Variants in WDR37 observed in about 807,000 individuals in gnomAD.
WDR37 encodes WD repeat domain 37, also known as WD repeat-containing protein 37.
In WDR37, 19 loss-of-function variants were observed where a neutral mutation model predicts 62.9. The ratio of observed to expected loss-of-function variants is 0.30; its 90% CI spans 0.21 to 0.44. The LOEUF (loss-of-function observed/expected upper bound fraction) is 0.44, where lower values mean the gene tolerates loss of function less well. WDR37 is among the 20% of genes least tolerant of loss of function. The probability of loss-of-function intolerance (pLI) is 1.00; values close to 1 mark genes in which losing one functional copy is unlikely to be tolerated. For missense variants in WDR37, 474 were observed against 657.6 expected, an observed-to-expected ratio of 0.72 and a Z score of 3.05; for synonymous variants, 250 against 260.9, an observed-to-expected ratio of 0.96 and a Z score of 0.40.
At chr10:1,086,235 A>G (rs1409770836) in intron 6 of WDR37, 51 bp from the exon 7 acceptor site, 4 of 1,496,826 alleles carry the variant, frequency 2.7e-6, no homozygotes, top group Non-Finnish European at 3.7e-6. Context: ...CATTTGAAAA[A>G]CTATAAACTG....
At chr10:1,078,213 T>C (rs1034780039) in intron 3 of WDR37, among the ~76,000 whole-genome samples, 1 of 151,882 alleles carries the variant, frequency 6.6e-6, no homozygotes, top group African/African-American at 2.4e-5. Context: ...AGTAAATAAA[T>C]AAAAATAAAA....
At chr10:1,072,680 G>T (rs914932955) in intron 2 of WDR37, among the ~76,000 whole-genome samples, 1 of 51,776 alleles carries the variant, frequency 1.9e-5, no homozygotes, top group South Asian at 1.1e-3. Context: ...ATATATAAAG[G>T]TCTCCAAAGT....
At chr10:1,094,881 G>C (rs1834516967) in intron 8 of WDR37, among the ~76,000 whole-genome samples, 1 of 151,828 alleles carries the variant, frequency 6.6e-6, no homozygotes, top group Non-Finnish European at 1.5e-5. Flanking sequence ...AGAGAGGAGA[G>C]TTACACTGGG....
intron 2 of WDR37, chr10:1,074,622 G>C: frequency 2.2e-6 from 2 of 912,552 alleles, no homozygotes; most frequent in Non-Finnish European, 3.1e-6. Flanking sequence ...GAGCTGTGGT[G>C]TCTGCCGCAC....
chr10:1,078,813 A>G (rs577311406), intron 3 of WDR37, among the ~76,000 whole-genome samples: 17 of 152,250 alleles, frequency 1.1e-4, no homozygotes, highest in African/African-American at 4.1e-4. Context: ...CCACACCCAA[A>G]CTATAAAATT....
At chr10:1,098,624 C>G (rs1353258885) in intron 9 of WDR37, among the ~76,000 whole-genome samples, 1 of 152,202 alleles carries the variant, frequency 6.6e-6, no homozygotes, top group Non-Finnish European at 1.5e-5. Context: ...CGTGCCCAGC[C>G]TCTCTGTGCT....
chr10:1,074,834 G>T (rs1283127923), intron 2 of WDR37, among the ~76,000 whole-genome samples: 1 of 152,270 alleles, frequency 6.6e-6, no homozygotes, highest in African/African-American at 2.4e-5. Flanking sequence ...CCAGTCTGAA[G>T]TAGTTTAGAA....
Position 1,088,911 on chromosome 10 carries a change from G to A in WDR37, c.604+2554G>A, listed in dbSNP as rs1052722561. On this transcript the variant is annotated intron_variant, in intron 7 of 13. Transcript: ENST00000263150. ...TATGCCTGCATCCACACATAGACGTGTACATACACGCATAGTCATTTCTGT... is the reference window on the plus strand; with the variant it reads ...TATGCCTGCATCCACACATAGACGTATACATACACGCATAGTCATTTCTGT... Among the ~76,000 whole-genome samples the A allele has an allele frequency of 2.0e-5, 3 of 152,168 alleles. No individual in the cohort carries two copies. In the East Asian group the frequency reaches 5.8e-4, roughly 29 times the overall value.
chr10:1,061,760 A>G (rs944211308), intron 1 of WDR37, among the ~76,000 whole-genome samples: 1 of 151,174 alleles, frequency 6.6e-6, no homozygotes, highest in Admixed American at 6.6e-5. Flanking sequence ...AATTGCTGGA[A>G]CCTGGGAGAT....
intron 9 of WDR37, chr10:1,096,461 T>C (rs1057221386): frequency 2.2e-5 from 13 of 588,636 alleles, no homozygotes; most frequent in Non-Finnish European, 6.1e-6. Flanking sequence ...GAGGAGACAG[T>C]GGAGAGCTCA....
Position 1,121,701 on chromosome 10 carries a change from G to A in WDR37, c.1104-2517G>A, listed in dbSNP as rs114813373. 1.6e-3 allele frequency among the ~76,000 whole-genome samples: 239 copies of A among 152,328 alleles called. 1 individual carries two copies. The highest frequency in any genetic ancestry group is 6.8e-3 in the Middle Eastern group (2 of 294). On this transcript the variant is annotated intron_variant, in intron 11 of 13. Coordinates refer to ENST00000263150, the MANE Select transcript of WDR37 (RefSeq NM_014023.4). The surrounding 1 kb of genome is among the most constrained non-coding windows in gnomAD (Gnocchi z 4.5). ...AGTTTCTAATGTGCCTGGGCAGGGC[G>A]GCTGCTACATCCACAGGCCAGGATG...
intron 8 of WDR37, 87 bp downstream of exon 8, chr10:1,093,583 T>G (rs891520012): frequency 3.6e-6 from 4 of 1,113,078 alleles, no homozygotes; most frequent in East Asian, 4.9e-5. Flanking sequence ...AGCAGAATAA[T>G]CCATGGCTTT....
At position 1,105,996 on chromosome 10, in the gene WDR37, A is replaced by T. The variant is rs1050991643; in HGVS notation, c.1103+729A>T. ...GAGATGGGGTTTCACCGTGATAGCC[A>T]GGATGGTCTCGATCTCCTGACGTCG... On this transcript the variant is annotated intron_variant, in intron 11 of 13. Transcript: ENST00000263150. This position sits in a 1 kb window ranked among gnomAD's most constrained non-coding sequence, Gnocchi z 5.3. Among the ~76,000 whole-genome samples the T allele has an allele frequency of 9.9e-5, 15 of 152,226 alleles. No individual in the cohort carries two copies. The highest frequency in any genetic ancestry group is 3.6e-4 in the African/African-American group (15 of 41,540).
Position 1,129,818 on chromosome 10 carries a change from G to C in WDR37, c.*474G>C, listed in dbSNP as rs1004160004. On this transcript the variant is annotated 3_prime_UTR_variant, in exon 14 of 14. Transcript: ENST00000263150. ...CTCCAGGATTTTGTGTTTACCTCGCGTGAAGTTCAGCACGTGCTGTCGTGT... is the reference window on the plus strand; with the variant it reads ...CTCCAGGATTTTGTGTTTACCTCGCCTGAAGTTCAGCACGTGCTGTCGTGT... 6.5e-6 allele frequency: 1 copy of C among 153,768 alleles called. No individual in the cohort carries two copies. The highest frequency in any genetic ancestry group is 2.4e-5 in the African/African-American group (1 of 41,572). The allele number at this position is 153,768 out of a possible 1,614,324, so 9.5% of individuals were successfully genotyped here.
chr10:1,096,810 C>T (rs10794718), intron 9 of WDR37, among the ~76,000 whole-genome samples: 82,923 of 151,956 alleles, frequency 0.55, 23,480 homozygotes, highest in African/African-American at 0.71. Flanking sequence ...TCCATAGCGG[C>T]GAAGAGCTTG....
chr10:1,090,824 G>A (rs564164145), intron 7 of WDR37, among the ~76,000 whole-genome samples: 4 of 152,296 alleles, frequency 2.6e-5, no homozygotes, highest in South Asian at 2.1e-4. Context: ...AAGGGTAGCC[G>A]TGGCTGGCAT....
At chr10:1,058,638 A>C (rs1459052697) in intron 1 of WDR37, among the ~76,000 whole-genome samples, 1 of 152,230 alleles carries the variant, frequency 6.6e-6, no homozygotes, top group East Asian at 1.9e-4. Context: ...TCATCCACAG[A>C]ATTGATGGTG....
intron 7 of WDR37, among the ~76,000 whole-genome samples, chr10:1,088,229 G>T (rs1355256076): frequency 6.6e-6 from 1 of 152,212 alleles, no homozygotes; most frequent in Non-Finnish European, 1.5e-5. Context: ...TGTCATTTGT[G>T]TGTTCACTGG....
At position 1,130,411 on chromosome 10, in the gene WDR37, C is replaced by T. The variant is rs1283181076; in HGVS notation, c.*1067C>T. The T allele has an allele frequency of 6.5e-6, 1 of 152,714 alleles. No individual in the cohort carries two copies. The highest frequency in any genetic ancestry group is 2.4e-5 in the African/African-American group (1 of 41,458). The allele number at this position is 152,714 out of a possible 1,614,324, so 9.5% of individuals were successfully genotyped here. A position where few individuals can be genotyped will look rare whatever the true frequency, so the allele number is the denominator to read the frequency against. On this transcript the variant is annotated 3_prime_UTR_variant, in exon 14 of 14. Coordinates refer to ENST00000263150, the MANE Select transcript of WDR37 (RefSeq NM_014023.4). ...TAGGCTCTCCACTTAGGCGCACAAGCTGACGGCTGCAGCCAGCAGGCCCCG... is the reference window on the plus strand; with the variant it reads ...TAGGCTCTCCACTTAGGCGCACAAGTTGACGGCTGCAGCCAGCAGGCCCCG...
Sources: allele counts gnomAD v4.1 joint callset (sites outside exome capture counted in the v4.1 genomes callset), GRCh38; gene constraint gnomAD v4.1.1; non-coding constraint Gnocchi (gnomAD v3.1); transcripts MANE v1.5; gene names NCBI Gene and HGNC (gene_info 2026-07-23, HGNC 2026-07-21).